The following JAK2 variants were observed in gnomAD, a reference collection of about 807,000 sequenced individuals.
JAK2 encodes the protein Janus kinase 2.
In JAK2, 86 loss-of-function variants were observed where a neutral mutation model predicts 139.3. The observed-to-expected ratio is 0.62, with a 90% CI of 0.52 to 0.74. The LOEUF is 0.74. Among genes scored for constraint, JAK2 ranks in the 30% least tolerant of loss-of-function variants. The pLI is 0.00. For synonymous variants in JAK2, 490 were observed against 437.7 expected, an observed-to-expected ratio of 1.12 and a Z score of -1.49; for missense variants, 1,421 against 1,360.3, an observed-to-expected ratio of 1.04 and a Z score of -0.70.
intron 19 of JAK2, among the ~76,000 whole-genome samples, chr9:5,087,408 C>T (rs1199095017): frequency 6.6e-6 from 1 of 152,178 alleles, no homozygotes; most frequent in African/African-American, 2.4e-5. Context: ...CTTCCAATGA[C>T]ATGTGGGGAT....
At position 4,993,068 on chromosome 9, in the gene JAK2, G is replaced by A. The variant is rs148851796; in HGVS notation, c.-26+7046G>A. ...GAGTCCAAAGGCCCCCTTTTATATA[G>A]CAACTGTCCCTTTCATTCCAAGCTA... On this transcript the variant is annotated intron_variant, in intron 2 of 24. Coordinates refer to ENST00000381652, the MANE Select transcript of JAK2 (RefSeq NM_004972.4). 5.8e-3 allele frequency among the ~76,000 whole-genome samples: 880 copies of A among 152,206 alleles called. 9 individuals are homozygous for A. Among genetic ancestry groups the A allele is most frequent in the African/African-American group, 0.02 (841 of 41,520 alleles).
At chr9:5,093,957 T>C (rs891578248) in intron 22 of JAK2, among the ~76,000 whole-genome samples, 1 of 152,084 alleles carries the variant, frequency 6.6e-6, no homozygotes, top group Admixed American at 6.6e-5. Flanking sequence ...CTTCATAAAG[T>C]GCCCTCCCCC....
chr9:5,027,304 A>G (rs1225518227), intron 3 of JAK2, among the ~76,000 whole-genome samples: 1 of 152,272 alleles, frequency 6.6e-6, no homozygotes, highest in Non-Finnish European at 1.5e-5. Flanking sequence ...CCCAGTGCAT[A>G]TAAAAGTTAT....
intron 19 of JAK2, among the ~76,000 whole-genome samples, chr9:5,082,871 C>T (rs117339087): frequency 0.01 from 1,558 of 152,310 alleles, 66 homozygotes; most frequent in East Asian, 0.092. Flanking sequence ...CAGGTTGGGG[C>T]AAAGTTACAG....
At chr9:5,091,168 AT>A (rs1339530929) in intron 22 of JAK2, 2 of 285,128 alleles carry the variant, frequency 7.0e-6, no homozygotes, top group African/African-American at 4.5e-5. Context: ...ACTGTCTCCT[AT>A]TTATTGAGGC....
At chr9:5,083,860 T>A (rs777628455) in intron 19 of JAK2, among the ~76,000 whole-genome samples, 1 of 152,208 alleles carries the variant, frequency 6.6e-6, no homozygotes, top group Non-Finnish European at 1.5e-5. Flanking sequence ...ACGTTCCATT[T>A]GTTGTAGTCT....
At chr9:5,050,578 A>G (rs1396272438) in intron 5 of JAK2, 108 bp from the exon 6 acceptor site, 1 of 1,172,122 alleles carries the variant, frequency 8.5e-7, no homozygotes, top group Non-Finnish European at 1.2e-6. Context: ...GCCAATTTGT[A>G]TCTTGTAAAT....
At chr9:5,086,723 A>C (rs190331952) in intron 19 of JAK2, among the ~76,000 whole-genome samples, 3 of 152,174 alleles carry the variant, frequency 2.0e-5, no homozygotes, top group African/African-American at 7.2e-5. Context: ...CTGTCTGACT[A>C]TAACTTTATA....
At chr9:5,006,423 A>G (rs1176836494) in intron 2 of JAK2, among the ~76,000 whole-genome samples, 1 of 152,172 alleles carries the variant, frequency 6.6e-6, no homozygotes, top group East Asian at 1.9e-4. Context: ...ATATACAATC[A>G]TGGTATATTC....
chr9:5,111,744 A>G, intron 22 of JAK2: 3 of 428,076 alleles, frequency 7.0e-6, no homozygotes, highest in South Asian at 5.2e-5. Flanking sequence ...TACCGGCTGC[A>G]CGGAGGAGAA....
rs1324509145 is a variant in JAK2 at position 5,079,857 on chromosome 9, G to A, written c.2132-372G>A. ...TTTTTTTTTGAAGGTAAAACTAATGGAAAGAGGTTGAGAAAATGGTATGCC... is the reference window on the plus strand; with the variant it reads ...TTTTTTTTTGAAGGTAAAACTAATGAAAAGAGGTTGAGAAAATGGTATGCC... On this transcript the variant is annotated intron_variant, in intron 16 of 24. Transcript: ENST00000381652. Among the ~76,000 whole-genome samples the A allele has an allele frequency of 2.0e-5, 3 of 152,038 alleles. No homozygotes were observed. In the East Asian group the frequency reaches 5.8e-4, roughly 29 times the overall value.
intron 22 of JAK2, among the ~76,000 whole-genome samples, chr9:5,093,884 C>T (rs112318848): frequency 8.3e-4 from 126 of 152,130 alleles, no homozygotes; most frequent in African/African-American, 2.9e-3. Flanking sequence ...CAGAGTAATC[C>T]AGGTTGGTTT....
chr9:5,101,247 C>G (rs1179479393), intron 22 of JAK2, among the ~76,000 whole-genome samples: 1 of 152,246 alleles, frequency 6.6e-6, no homozygotes, highest in African/African-American at 2.4e-5. Flanking sequence ...TCTGGCTTGG[C>G]AGGTCCCACA....
chr9:4,984,585 TC>T, upstream of JAK2: 1 of 152,686 alleles, frequency 6.5e-6, no homozygotes, highest in Non-Finnish European at 1.5e-5. Context: ...GAGCGCGTTG[TC>T]CCCGGCCCCC....
chr9:5,000,279 T>G (rs903197443), intron 2 of JAK2, among the ~76,000 whole-genome samples: 3 of 152,160 alleles, frequency 2.0e-5, no homozygotes, highest in African/African-American at 7.2e-5. Flanking sequence ...GTGACAGAGT[T>G]TTTGGTATAG....
At chr9:5,108,099 T>C (rs1042644343) in intron 22 of JAK2, 1 of 152,158 alleles carries the variant, frequency 6.6e-6, no homozygotes, top group African/African-American at 2.4e-5. Flanking sequence ...TCTCTTCTGA[T>C]CTGCTGATGT....
chr9:5,122,191 G>A (rs375802616), intron 22 of JAK2, among the ~76,000 whole-genome samples: 1 of 152,062 alleles, frequency 6.6e-6, no homozygotes, highest in African/African-American at 2.4e-5. Context: ...TTTAATATCA[G>A]TCTAAAACAC....
At chr9:5,012,438 A>T (rs183789008) in intron 2 of JAK2, among the ~76,000 whole-genome samples, 1 of 152,246 alleles carries the variant, frequency 6.6e-6, no homozygotes, top group African/African-American at 2.4e-5. Flanking sequence ...CTACTCTCTC[A>T]TTATCAAAAA....
chr9:5,115,048 CA>C (rs1823025557), intron 22 of JAK2, among the ~76,000 whole-genome samples: 1 of 152,144 alleles, frequency 6.6e-6, no homozygotes, highest in Non-Finnish European at 1.5e-5. Flanking sequence ...GCAATGGCAA[CA>C]AAAGCCAAAA....
Sources: allele counts gnomAD v4.1 joint callset (sites outside exome capture counted in the v4.1 genomes callset), GRCh38; gene constraint gnomAD v4.1.1; transcripts MANE v1.5; gene names NCBI Gene and HGNC (gene_info 2026-07-23, HGNC 2026-07-21).